Variants in MMP16 observed in about 807,000 individuals in gnomAD.
MMP16 encodes matrix metallopeptidase 16.
In MMP16, 12 loss-of-function variants were observed where a neutral mutation model predicts 67.8. The observed-to-expected ratio is 0.18, with a 90% CI of 0.11 to 0.29. MMP16 has a LOEUF of 0.29. Ranked by LOEUF, MMP16 falls within the 10% of genes least tolerant of loss-of-function variation. MMP16 has a pLI of 1.00. For synonymous variants in MMP16, 249 were observed against 255.9 expected, an observed-to-expected ratio of 0.97 and a Z score of 0.26; for missense variants, 475 against 765.7, an observed-to-expected ratio of 0.62 and a Z score of 4.48.
intron 4 of MMP16, among the ~76,000 whole-genome samples, chr8:88,148,901 C>T (rs1186552529): frequency 3.3e-5 from 5 of 152,182 alleles, no homozygotes; most frequent in Non-Finnish European, 5.9e-5. Flanking sequence ...CAGCTCCCAG[C>T]GTGAGCGACG....
At chr8:88,320,933 CAATTCAGAGTGCTA>C (rs1811450546) in intron 1 of MMP16, among the ~76,000 whole-genome samples, 1 of 152,092 alleles carries the variant, frequency 6.6e-6, no homozygotes, top group African/African-American at 2.4e-5. Flanking sequence ...CAAAAAATAT[CAATTCAGAGTGCTA>C]AATGACAGGA....
intron 4 of MMP16, among the ~76,000 whole-genome samples, chr8:88,140,688 T>C (rs1808198581): frequency 1.3e-5 from 2 of 152,184 alleles, no homozygotes; most frequent in Non-Finnish European, 2.9e-5. Context: ...TATTTTCCTA[T>C]ATTTTTCAAA....
intron 7 of MMP16, among the ~76,000 whole-genome samples, chr8:88,070,074 ATTTC>A (rs528214865): frequency 7.8e-4 from 118 of 152,190 alleles, no homozygotes; most frequent in African/African-American, 2.6e-3. Context: ...ATACAGCATT[ATTTC>A]TTTCCAATCT....
At chr8:88,048,151 A>T (rs1808222386) in intron 8 of MMP16, among the ~76,000 whole-genome samples, 1 of 152,204 alleles carries the variant, frequency 6.6e-6, no homozygotes, top group Non-Finnish European at 1.5e-5. Context: ...ACTACTTTAA[A>T]TTCAGACTTC....
At chr8:88,166,928 G>C (rs1432113259) in intron 4 of MMP16, among the ~76,000 whole-genome samples, 1 of 151,694 alleles carries the variant, frequency 6.6e-6, no homozygotes. Context: ...TGAATGTGGT[G>C]GCTCATGCCT....
chr8:88,234,095 G>A lies in MMP16; in HGVS notation c.133-36789C>T, dbSNP rs574493119. On this transcript the variant is annotated intron_variant, in intron 1 of 9. Transcript: ENST00000286614. The stretch of plus-strand genomic sequence containing the variant: ...AATCAGTGTTTCATTAAGTGTATGT[G>A]TTCAACTTTCAGAAACAAGATTTAT... Among the ~76,000 whole-genome samples the A allele has an allele frequency of 2.2e-4, 34 of 152,260 alleles. No individual in the cohort carries two copies. The South Asian group carries it at 6.6e-3, about 30-fold the overall frequency.
At chr8:88,050,026 AAAT>A (rs1186045976) in intron 8 of MMP16, among the ~76,000 whole-genome samples, 1 of 152,012 alleles carries the variant, frequency 6.6e-6, no homozygotes, top group Non-Finnish European at 1.5e-5. Flanking sequence ...CCTTGTCACA[AAAT>A]AATAATAATA....
In MMP16 at chr8:88,035,765, T is replaced by A. The variant is rs1206382543; in HGVS notation, c.*5696A>T. 6.6e-6 allele frequency: 1 copy of A among 152,012 alleles called. No individual in the cohort carries two copies. The highest frequency in any genetic ancestry group is 2.4e-5 in the African/African-American group (1 of 41,428). 9.4% of individuals were successfully genotyped at this position (152,012 alleles called of 1,614,324 possible). On this transcript the variant is annotated 3_prime_UTR_variant, in exon 10 of 10. Coordinates refer to ENST00000286614, the MANE Select transcript of MMP16 (RefSeq NM_005941.5). The surrounding 1 kb of genome is among the most constrained non-coding windows in gnomAD (Gnocchi z 4.7). Reference sequence around the variant, plus strand: ...TCAAACATTGACAGGAATTTTACAATATGTGTTTTTCCCTTAATTTCTGTG... The same window carrying A: ...TCAAACATTGACAGGAATTTTACAAAATGTGTTTTTCCCTTAATTTCTGTG...
intron 3 of MMP16, among the ~76,000 whole-genome samples, chr8:88,171,624 TA>T (rs1486313107): frequency 2.6e-5 from 4 of 151,996 alleles, no homozygotes; most frequent in Non-Finnish European, 5.9e-5. Flanking sequence ...AATTAAAAAA[TA>T]GGAAAAAACA....
chr8:88,157,370 A>T (rs1808527995), intron 4 of MMP16, among the ~76,000 whole-genome samples: 1 of 152,002 alleles, frequency 6.6e-6, no homozygotes, highest in African/African-American at 2.4e-5. Flanking sequence ...TGCAAATATT[A>T]AACCATCTTA....
intron 6 of MMP16, among the ~76,000 whole-genome samples, chr8:88,107,441 T>C (rs1163036215): frequency 6.6e-6 from 1 of 151,098 alleles, no homozygotes; most frequent in African/African-American, 2.4e-5. Flanking sequence ...ACATGGAAAT[T>C]CTTTTCATTA....
intron 1 of MMP16, among the ~76,000 whole-genome samples, chr8:88,324,578 T>C (rs561748306): frequency 6.6e-6 from 1 of 152,288 alleles, no homozygotes; most frequent in South Asian, 2.1e-4. Flanking sequence ...TTTATGATCA[T>C]ATGAGCTTCA....
chr8:88,212,142 G>A (rs1809522484), intron 1 of MMP16, among the ~76,000 whole-genome samples: 1 of 152,130 alleles, frequency 6.6e-6, no homozygotes, highest in Non-Finnish European at 1.5e-5. Flanking sequence ...AGAGCACTCA[G>A]TGTGTAGATG....
chr8:88,058,084 CAA>C lies in MMP16; in HGVS notation c.1223-1808_1223-1807del, dbSNP rs2118230771. Among the ~76,000 whole-genome samples the C allele has an allele frequency of 6.6e-6, 1 of 152,156 alleles. No homozygotes were observed. Among genetic ancestry groups the C allele is most frequent in the Admixed American group, 6.6e-5 (1 of 15,266 alleles). Reference sequence around the variant, plus strand: ...AAAGAAAGAGAAGGTAATAAATATGCAAAGAATATTGGGAAGTGCATTCAGAG... The same window carrying C: ...AAAGAAAGAGAAGGTAATAAATATGCAGAATATTGGGAAGTGCATTCAGAG... On this transcript the variant is annotated intron_variant, in intron 7 of 9. Coordinates refer to ENST00000286614, the MANE Select transcript of MMP16 (RefSeq NM_005941.5). The surrounding 1 kb of genome is among the most constrained non-coding windows in gnomAD (Gnocchi z 4.2).
intron 1 of MMP16, among the ~76,000 whole-genome samples, chr8:88,231,617 C>T (rs554443534): frequency 4.9e-4 from 74 of 152,302 alleles, no homozygotes; most frequent in African/African-American, 1.7e-3. Context: ...TGAAAGGTCA[C>T]TGGGAGGCCA....
chr8:88,170,918 G>A (rs1236360968), intron 3 of MMP16, among the ~76,000 whole-genome samples: 1 of 152,144 alleles, frequency 6.6e-6, no homozygotes, highest in Non-Finnish European at 1.5e-5. Flanking sequence ...ATAGAGACTA[G>A]GACTTGTGTG....
At position 88,035,299 on chromosome 8, in the gene MMP16, G is replaced by A. The variant is rs1186480499; in HGVS notation, c.*6162C>T. On this transcript the variant is annotated 3_prime_UTR_variant, in exon 10 of 10. Coordinates refer to ENST00000286614, the MANE Select transcript of MMP16 (RefSeq NM_005941.5). The surrounding 1 kb of genome is among the most constrained non-coding windows in gnomAD (Gnocchi z 4.7). ...AGCAGAGCACATGGGAAAGTTATAT[G>A]AATCTGTACAACATTCTAGTTTATG... is the stretch of plus-strand genomic sequence containing the variant. 2 of 151,980 alleles carry A rather than the reference G, an allele frequency of 1.3e-5. No individual in the cohort carries two copies. Among genetic ancestry groups the A allele is most frequent in the Non-Finnish European group, 2.9e-5 (2 of 67,924 alleles). The allele number at this position is 151,980 out of a possible 1,614,324, so 9.4% of individuals were successfully genotyped here.
intron 6 of MMP16, among the ~76,000 whole-genome samples, chr8:88,092,116 G>A (rs1176851064): frequency 7.9e-5 from 12 of 151,784 alleles, no homozygotes; most frequent in Admixed American, 5.9e-4. Context: ...GTCTTCAGCC[G>A]AAACACTGTA....
chr8:88,052,176 T>C (rs762863267), intron 8 of MMP16, among the ~76,000 whole-genome samples: 1 of 152,158 alleles, frequency 6.6e-6, no homozygotes, highest in Non-Finnish European at 1.5e-5. Flanking sequence ...AACCACCTAC[T>C]TGACTTCTTC....
Sources: allele counts gnomAD v4.1 joint callset (sites outside exome capture counted in the v4.1 genomes callset), GRCh38; gene constraint gnomAD v4.1.1; non-coding constraint Gnocchi (gnomAD v3.1); transcripts MANE v1.5; gene names NCBI Gene and HGNC (gene_info 2026-07-23, HGNC 2026-07-21).